The following CDH19 variants were observed in gnomAD, a reference collection of about 807,000 sequenced individuals.
The protein encoded by CDH19 is cadherin 19, also known as cadherin-19.
A neutral mutation model predicts 64.2 loss-of-function variants in CDH19; 67 were observed. The ratio of observed to expected loss-of-function variants is 1.04; its 90% CI spans 0.86 to 1.28. The LOEUF is 1.28. Ranked by LOEUF, CDH19 falls within the 50% of genes most tolerant of loss-of-function variation. The pLI, the probability that CDH19 is intolerant of heterozygous loss-of-function variation, is 0.00. For missense variants in CDH19, 1,030 were observed against 929.0 expected (o/e 1.11, Z -1.41); for synonymous variants, 346 against 319.3 (o/e 1.08, Z -0.89).
intron 3 of CDH19, among the ~76,000 whole-genome samples, chr18:66,555,735 T>C (rs1987493777): frequency 6.6e-6 from 1 of 151,734 alleles, no homozygotes; most frequent in East Asian, 1.9e-4. Context: ...TGTGAAAGTT[T>C]TTCCAACAAA....
At chr18:66,506,085 C>T (rs1985184819) in intron 11 of CDH19, among the ~76,000 whole-genome samples, 3 of 151,964 alleles carry the variant, frequency 2.0e-5, no homozygotes, top group Non-Finnish European at 4.4e-5. Flanking sequence ...AAAAGCACTG[C>T]ATGATCTCAC....
rs570677032 is a variant in CDH19, at chr18:66,510,808, C to A, written c.1576+760G>T. Among the ~76,000 whole-genome samples the A allele has an allele frequency of 4.6e-5, 7 of 151,392 alleles. 1 individual carries two copies. In the South Asian group the frequency reaches 1.2e-3, roughly 27 times the overall value. On this transcript the variant is annotated intron_variant, in intron 10 of 11. Coordinates refer to ENST00000262150, the MANE Select transcript of CDH19 (RefSeq NM_021153.4). ...GACAGAAAGGTGTTGCATTTACTCT[C>A]GTATGAAAGGCCTCTTCTGAACAAA...
At chr18:66,513,930 C>T (rs1568172827) in intron 9 of CDH19, among the ~76,000 whole-genome samples, 1 of 151,396 alleles carries the variant, frequency 6.6e-6, no homozygotes, top group South Asian at 2.1e-4. Flanking sequence ...CATCTATATA[C>T]AGTGCATTGA....
chr18:66,550,971 AAATTT>A (rs1987315670), intron 5 of CDH19, 118 bp downstream of exon 5: 3 of 524,638 alleles, frequency 5.7e-6, no homozygotes, highest in Non-Finnish European at 9.9e-6. Context: ...AACAATTGAC[AAATTT>A]ATTTTATATA....
At chr18:66,558,694 A>T (rs1048402463) in intron 3 of CDH19, among the ~76,000 whole-genome samples, 2 of 152,090 alleles carry the variant, frequency 1.3e-5, no homozygotes, top group African/African-American at 4.8e-5. Flanking sequence ...TCGTCCACAT[A>T]AAATTGAAAA....
intron 1 of CDH19, among the ~76,000 whole-genome samples, chr18:66,599,572 G>T (rs1392399150): frequency 2.0e-5 from 3 of 151,974 alleles, no homozygotes; most frequent in Non-Finnish European, 4.4e-5. Context: ...CACAAAAAAT[G>T]TTAAATATTT....
chr18:66,505,548 A>AAT (rs907058360), intron 11 of CDH19, among the ~76,000 whole-genome samples: 6 of 140,980 alleles, frequency 4.3e-5, no homozygotes, highest in Non-Finnish European at 9.2e-5. Context: ...TATATTTATT[A>AAT]ATATATATAT....
intron 7 of CDH19, among the ~76,000 whole-genome samples, chr18:66,540,564 A>G (rs1042754403): frequency 6.6e-6 from 1 of 152,112 alleles, no homozygotes; most frequent in African/African-American, 2.4e-5. Context: ...GCTTCTGACA[A>G]GAGCACTCTT....
chr18:66,510,557 A>C (rs1425020100), intron 10 of CDH19, among the ~76,000 whole-genome samples: 1 of 144,852 alleles, frequency 6.9e-6, no homozygotes, highest in Non-Finnish European at 1.5e-5. Context: ...AAAATAAATA[A>C]ATAAAATAAC....
chr18:66,568,780 T>A (rs1227790473), intron 2 of CDH19, 70 bp from the exon 3 acceptor site: 1 of 1,265,334 alleles, frequency 7.9e-7, no homozygotes, highest in Non-Finnish European at 1.1e-6. Context: ...CAAGATTTTC[T>A]TTTTATGTAT....
intron 1 of CDH19, among the ~76,000 whole-genome samples, chr18:66,592,953 C>A (rs557098233): frequency 6.6e-6 from 1 of 151,822 alleles, no homozygotes; most frequent in South Asian, 2.1e-4. Context: ...CTATCTAGTT[C>A]TATTTTTAGT....
chr18:66,587,001 T>C (rs750258787), intron 1 of CDH19, among the ~76,000 whole-genome samples: 3 of 152,118 alleles, frequency 2.0e-5, no homozygotes, highest in Non-Finnish European at 4.4e-5. Context: ...TTGGATCTTC[T>C]AATCAGTGCT....
intron 1 of CDH19, among the ~76,000 whole-genome samples, chr18:66,573,316 A>C (rs1941737): frequency 0.34 from 51,450 of 151,400 alleles, 9,562 homozygotes; most frequent in South Asian, 0.48. Flanking sequence ...AATCTTCTGC[A>C]TGTATTTTTG....
chr18:66,547,461 G>A (rs139503067), intron 5 of CDH19, among the ~76,000 whole-genome samples: 2 of 152,084 alleles, frequency 1.3e-5, no homozygotes, highest in Non-Finnish European at 2.9e-5. Flanking sequence ...TGGTTGACCT[G>A]GGTATGGCTA....
intron 9 of CDH19, among the ~76,000 whole-genome samples, chr18:66,516,663 A>G (rs1013119328): frequency 6.6e-6 from 1 of 152,028 alleles, no homozygotes; most frequent in Admixed American, 6.6e-5. Flanking sequence ...AATAAATATA[A>G]TTGATTTATA....
At chr18:66,534,803 A>C (rs1986594027) in intron 8 of CDH19, among the ~76,000 whole-genome samples, 183 bp downstream of exon 8, 1 of 151,962 alleles carries the variant, frequency 6.6e-6, no homozygotes, top group Non-Finnish European at 1.5e-5. Context: ...ATAGTTTAGA[A>C]GGTATTTAGT....
chr18:66,517,161 G>A (rs1012890614), intron 9 of CDH19, among the ~76,000 whole-genome samples: 4 of 151,988 alleles, frequency 2.6e-5, no homozygotes, highest in African/African-American at 9.7e-5. Flanking sequence ...TCGAGAGGAA[G>A]AAGTGGATAA....
At chr18:66,520,325 C>G (rs555213277) in intron 9 of CDH19, among the ~76,000 whole-genome samples, 1 of 144,942 alleles carries the variant, frequency 6.9e-6, no homozygotes, top group East Asian at 2.1e-4. Flanking sequence ...TGATAACTAG[C>G]TGGAAGAAAA....
At chr18:66,534,091 TA>T (rs999632893) in intron 8 of CDH19, among the ~76,000 whole-genome samples, 1 of 151,034 alleles carries the variant, frequency 6.6e-6, no homozygotes, top group Non-Finnish European at 1.5e-5. Context: ...AGTTTTTCCT[TA>T]AAATGAAAAA....
Sources: gnomAD v4.1 joint callset for allele counts (sites outside exome capture counted in the v4.1 genomes callset) on GRCh38, gnomAD v4.1.1 for gene constraint, MANE v1.5 for transcripts, NCBI Gene and HGNC (gene_info 2026-07-23, HGNC 2026-07-21) for gene names.